The following AKAP9 variants were observed in gnomAD, a reference collection of about 807,000 sequenced individuals.
AKAP9 encodes the protein A-kinase anchoring protein 9.
AKAP9 carries 311 observed loss-of-function variants against 488.5 expected under a neutral mutation model. The observed-to-expected ratio is 0.64, with a 90% confidence interval of 0.58 to 0.70. The LOEUF is 0.70. Ranked by LOEUF, AKAP9 falls within the 30% of genes least tolerant of loss-of-function variation. The pLI is 0.00. For missense variants in AKAP9, 4,215 were observed against 4,374.5 expected (o/e 0.96, Z 1.03); for synonymous variants, 1,462 against 1,483.5 (o/e 0.99, Z 0.33).
At chr7:92,072,785 A>G (rs1403778453) in intron 28 of AKAP9, among the ~76,000 whole-genome samples, 1 of 152,210 alleles carries the variant, frequency 6.6e-6, no homozygotes, top group Admixed American at 6.5e-5. Context: ...GCAATAATAA[A>G]TAATAATAGT....
At chr7:91,995,345 T>A (rs1798258381) in intron 6 of AKAP9, among the ~76,000 whole-genome samples, 1 of 152,154 alleles carries the variant, frequency 6.6e-6, no homozygotes, top group Admixed American at 6.6e-5. Context: ...ATTCGGGAAG[T>A]ACTGTCTTTG....
rs115917787 is a variant in AKAP9, at chr7:92,090,914, G to A, written c.9358+1385G>A. 3.1e-3 allele frequency among the ~76,000 whole-genome samples: 465 copies of A among 152,250 alleles called. 2 individuals carry two copies. Among genetic ancestry groups the A allele is most frequent in the African/African-American group, 0.01 (433 of 41,550 alleles). On this transcript the variant is annotated intron_variant, in intron 38 of 49. Coordinates refer to ENST00000356239, the MANE Select transcript of AKAP9 (RefSeq NM_005751.5). ...CTTAGTAGCAGTATATGAGAGTTAC[G>A]TTGCTTCACATCTTTGCCAACAGTT... is the stretch of plus-strand genomic sequence containing the variant.
chr7:91,973,930 G>A lies in AKAP9; in HGVS notation c.268G>A (p.Gly90Arg), dbSNP rs1795371147. The A allele has an allele frequency of 1.9e-6, 3 of 1,613,648 alleles. No homozygotes were observed. Among genetic ancestry groups the A allele is most frequent in the South Asian group, 2.2e-5 (2 of 91,048 alleles). ...TACAATAATGAGAACTCTACATAGT[G>A]GAGAAATAACCAGTCATGAGCAGGG... ...ESTIMRTLHS[G>R]EITSHEQGFS... is the part of the protein sequence containing the mutation. Residue 90 changes from glycine (G) to arginine (R), a missense_variant, in exon 2 of 50, where the codon GGA (glycine) becomes AGA (arginine). Physicochemically the swap from Gly to Arg is moderately radical, Grantham distance 125. Coordinates refer to ENST00000356239, the MANE Select transcript of AKAP9 (RefSeq NM_005751.5).
intron 20 of AKAP9, 87 bp downstream of exon 20, chr7:92,042,858 A>C: frequency 1.1e-6 from 1 of 883,006 alleles, no homozygotes; most frequent in Non-Finnish European, 1.9e-6. Context: ...TTTATCTTGT[A>C]CATTGATACT....
intron 43 of AKAP9, among the ~76,000 whole-genome samples, chr7:92,099,229 C>T (rs1817136272): frequency 6.6e-6 from 1 of 152,144 alleles, no homozygotes; most frequent in South Asian, 2.1e-4. Context: ...TCGTTGCCTC[C>T]ATTCAGGCTT....
At chr7:92,061,900 T>C (rs1809917460) in intron 23 of AKAP9, among the ~76,000 whole-genome samples, 1 of 152,062 alleles carries the variant, frequency 6.6e-6, no homozygotes, top group South Asian at 2.1e-4. Context: ...AATACCAACC[T>C]TCTAATTTTC....
chr7:92,097,824 A>C (rs1816875181), intron 42 of AKAP9, 30 bp downstream of exon 42: 2 of 1,608,508 alleles, frequency 1.2e-6, no homozygotes, highest in African/African-American at 2.7e-5. Flanking sequence ...TCTTTGGGAA[A>C]GTAGTATTCT....
chr7:92,055,824 AG>A (rs1184161379), intron 22 of AKAP9, among the ~76,000 whole-genome samples: 1 of 152,034 alleles, frequency 6.6e-6, no homozygotes. Flanking sequence ...TGTTGTTACA[AG>A]GGCTGTATGC....
At chr7:91,960,088 T>C (rs1793542109) in intron 1 of AKAP9, among the ~76,000 whole-genome samples, 1 of 152,234 alleles carries the variant, frequency 6.6e-6, no homozygotes, top group Non-Finnish European at 1.5e-5. Context: ...AAAGGCAGCA[T>C]TGACAAGTAT....
At position 92,021,528 on chromosome 7, in the gene AKAP9, T is replaced by C. The variant is rs1270767431; in HGVS notation, c.3838-710T>C. On this transcript the variant is annotated intron_variant, in intron 12 of 49. Transcript: ENST00000356239. ...ATCTTGGCTCACTGCAACTTCCCCT[T>C]CCCAGGTTCAAGAAATTCACCCGCC... 6.6e-5 allele frequency among the ~76,000 whole-genome samples: 10 copies of C among 152,278 alleles called. No homozygotes were observed. The South Asian group carries it at 1.4e-3, about 22-fold the overall frequency.
In AKAP9 at chr7:92,002,807, G is replaced by C. The variant is rs1799332032; in HGVS notation, c.2890G>C (p.Glu964Gln). The C allele has an allele frequency of 6.2e-7, 1 of 1,613,582 alleles. No individual in the cohort carries two copies. The highest frequency in any genetic ancestry group is 8.5e-7 in the Non-Finnish European group (1 of 1,179,680). ...ELSQRLSDLS[E>Q]QLKQKHGEIS... is the part of the protein sequence containing the mutation. ...GTCACAGAGACTGTCTGATCTTTCT[G>C]AACAATTGAAACAGAAACATGGTGA... is the stretch of plus-strand genomic sequence containing the variant. The change falls in exon 8 of 50, where the codon GAA becomes CAA. Residue 964 changes from glutamate (E) to glutamine (Q), a missense_variant. Transcript: ENST00000356239.
At position 92,012,584 on chromosome 7, in the gene AKAP9, C is replaced by G. The variant is rs538559481; in HGVS notation, c.3474C>G (p.Ile1158Met). The G allele has an allele frequency of 1.9e-6, 3 of 1,613,516 alleles. No homozygotes were observed. The highest frequency in any genetic ancestry group is 2.2e-5 in the South Asian group (2 of 90,982). ...TTATTTTTGCTCAAGAGGAAAAGAT[C>G]AAGGAACTTCAGAAAATACACCAGT... ...EELIFAQEEK[I>M]KELQKIHQLE... The change falls in exon 9 of 50, where the codon ATC becomes ATG. Residue 1158 changes from isoleucine to methionine, a missense_variant. Around this residue, in one of 5 missense-constraint regions of AKAP9, gnomAD observed 2,361 missense variants for 2,430.0 expected, o/e 0.97. Coordinates refer to ENST00000356239, the MANE Select transcript of AKAP9 (RefSeq NM_005751.5).
At chr7:92,047,990 A>G (rs1207403725) in intron 21 of AKAP9, among the ~76,000 whole-genome samples, 1 of 152,144 alleles carries the variant, frequency 6.6e-6, no homozygotes, top group Non-Finnish European at 1.5e-5. Context: ...TTGCATCTTT[A>G]AGGATATATT....
At chr7:91,962,635 G>A (rs2130518182) in intron 1 of AKAP9, among the ~76,000 whole-genome samples, 1 of 152,192 alleles carries the variant, frequency 6.6e-6, no homozygotes, top group Admixed American at 6.6e-5. Context: ...TTACCTTCCG[G>A]TTAATCTGAA....
intron 21 of AKAP9, among the ~76,000 whole-genome samples, chr7:92,046,397 T>G (rs1236167258): frequency 6.6e-6 from 1 of 152,212 alleles, no homozygotes; most frequent in Non-Finnish European, 1.5e-5. Flanking sequence ...TTGTTAAATT[T>G]CATGTGGAGA....
intron 27 of AKAP9, among the ~76,000 whole-genome samples, chr7:92,070,409 GTT>G (rs747464370): frequency 8.1e-4 from 41 of 50,318 alleles, no homozygotes; most frequent in African/African-American, 4.2e-3. Context: ...TTGTTGTTTT[GTT>G]TTGTTTTGTT....
chr7:92,042,063 T>G lies in AKAP9; in HGVS notation c.4935T>G (p.Asn1645Lys). Reference protein sequence around the residue: ...RQLAQRSSIDNENLVSERERV... With the variant: ...RQLAQRSSIDKENLVSERERV... Reference sequence around the variant, plus strand: ...TTATTTAGAGATCCTCCATAGATAATGAAAACCTGGTTTCAGAGAGAGAGA... The same window carrying G: ...TTATTTAGAGATCCTCCATAGATAAGGAAAACCTGGTTTCAGAGAGAGAGA... Residue 1645 changes from asparagine (N) to lysine (K), a missense_variant, in exon 19 of 50, where the codon AAT (asparagine) becomes AAG (lysine). Transcript: ENST00000356239. The G allele has an allele frequency of 6.2e-7, 1 of 1,613,872 alleles. No homozygotes were observed. Among genetic ancestry groups the G allele is most frequent in the Non-Finnish European group, 8.5e-7 (1 of 1,179,878 alleles).
chr7:92,108,742 G>C (rs1359101084), intron 49 of AKAP9, 109 bp downstream of exon 49: 4 of 1,308,488 alleles, frequency 3.1e-6, no homozygotes, highest in African/African-American at 1.5e-5. Flanking sequence ...TTCCAGTTTA[G>C]TGCATGAGCT....
chr7:92,008,654 C>G (rs1356195935), intron 8 of AKAP9, among the ~76,000 whole-genome samples: 1 of 151,282 alleles, frequency 6.6e-6, no homozygotes, highest in Non-Finnish European at 1.5e-5. Context: ...CATCACTGCA[C>G]TCCAGCCTGG....
Sources: gnomAD v4.1 joint callset for allele counts (sites outside exome capture counted in the v4.1 genomes callset) on GRCh38, gnomAD v4.1.1 for gene constraint, gnomAD v4.1.1 regional missense constraint, MANE v1.5 for transcripts, NCBI Gene and HGNC (gene_info 2026-07-23, HGNC 2026-07-21) for gene names.